Variants in MAX observed in about 807,000 individuals in gnomAD.
MAX encodes the protein MYC associated transcriptional regulator X.
MAX carries 3 observed loss-of-function variants against 22.3 expected under a neutral mutation model. That is an observed-to-expected ratio of 0.13 (90% CI 0.06 to 0.35). The LOEUF is 0.35. Among genes scored for constraint, MAX ranks in the 10% least tolerant of loss-of-function variants. The pLI, the probability that MAX is intolerant of heterozygous loss-of-function variation, is 1.00. For missense variants in MAX, 119 were observed against 209.4 expected (o/e 0.57, Z 2.66); for synonymous variants, 72 against 77.7 (o/e 0.93, Z 0.39).
Position 65,027,832 on chromosome 14 carries a change from C to A in MAX, c.172-21548G>T, listed in dbSNP as rs1051153471. On this transcript the variant is annotated intron_variant, in intron 3 of 3. Transcript: ENST00000341653. This position sits in a 1 kb window ranked among gnomAD's most constrained non-coding sequence, Gnocchi z 5.7. ...CACATCAGTTGACTCTAGAGCTCATCTGCCATTAGAGATGCCAAGCCTAAG... is the reference window on the plus strand; with the variant it reads ...CACATCAGTTGACTCTAGAGCTCATATGCCATTAGAGATGCCAAGCCTAAG... 2 of 1,610,606 alleles carry A rather than the reference C, an allele frequency of 1.2e-6. No homozygotes were observed. The highest frequency in any genetic ancestry group is 1.7e-4 in the Middle Eastern group (1 of 5,960).
Position 65,062,296 on chromosome 14 carries a change from A to G in MAX, c.171+31412T>C, listed in dbSNP as rs1257002703. ...CTCAGGATTTATTCACGTCCTGCCC[A>G]CTCTAGGCTCACAGGAATAAAATCA... On this transcript the variant is annotated intron_variant, in intron 3 of 3. Coordinates refer to the MAX transcript ENST00000341653. The surrounding 1 kb of genome is among the most constrained non-coding windows in gnomAD (Gnocchi z 4.3). 6.6e-6 allele frequency: 1 copy of G among 152,214 alleles called. No individual in the cohort carries two copies. Among genetic ancestry groups the G allele is most frequent in the Non-Finnish European group, 1.5e-5 (1 of 68,068 alleles). The allele number at this position is 152,214 out of a possible 1,614,324, so 9.4% of individuals were successfully genotyped here.
In MAX at chr14:65,009,247, T is replaced by G. The variant is rs1684066188; in HGVS notation, c.172-2963A>C. ...ACAGAGATTTATTTTTTCACATTTC[T>G]GGAGGCCAGAAGTCTAAGACCAAGG... On this transcript the variant is annotated intron_variant, in intron 3 of 3. Coordinates refer to the MAX transcript ENST00000341653. The surrounding 1 kb of genome is among the most constrained non-coding windows in gnomAD (Gnocchi z 4.2). Among the ~76,000 whole-genome samples, 1 of 152,214 alleles carries G rather than the reference T, an allele frequency of 6.6e-6. No homozygotes were observed. Among genetic ancestry groups the G allele is most frequent in the East Asian group, 1.9e-4 (1 of 5,194 alleles).
chr14:65,022,063 C>T (rs1006761052), intron 3 of MAX: 21 of 455,878 alleles, frequency 4.6e-5, no homozygotes, highest in Admixed American at 2.4e-4. Flanking sequence ...AGAGGCCACC[C>T]GGAATCAACA....
intron 3 of MAX, among the ~76,000 whole-genome samples, chr14:65,020,104 A>G (rs1239656917): frequency 6.6e-6 from 1 of 152,142 alleles, no homozygotes; most frequent in African/African-American, 2.4e-5. Context: ...TCTCTTTCCT[A>G]TTTTGTTCAC....
Position 65,027,302 on chromosome 14 carries a change from G to C in MAX, c.172-21018C>G, listed in dbSNP as rs1394182799. The C allele has an allele frequency of 4.1e-6, 5 of 1,217,954 alleles. No homozygotes were observed. The highest frequency in any genetic ancestry group is 5.7e-6 in the Non-Finnish European group (5 of 873,912). 75.4% of individuals were successfully genotyped at this position (1,217,954 alleles called of 1,614,324 possible). A position where few individuals can be genotyped will look rare whatever the true frequency, so the allele number is the denominator to read the frequency against. On this transcript the variant is annotated intron_variant, in intron 3 of 3. Transcript: ENST00000341653. This position sits in a 1 kb window ranked among gnomAD's most constrained non-coding sequence, Gnocchi z 5.7. ...TGGAGAGAGAATTAAGCCCTTTGGG[G>C]AGAGGTTATATTCAACAAGTGGGAG...
rs930638698 is a variant in MAX, at chr14:65,079,073, G to T, written c.172-1037C>A. Reference sequence around the variant, plus strand: ...TAAAGTCTTTAGCTTGGCTATGTCTGGAAACATTAAAATACTACTTAAATG... The same window carrying T: ...TAAAGTCTTTAGCTTGGCTATGTCTTGAAACATTAAAATACTACTTAAATG... On this transcript the variant is annotated intron_variant, in intron 3 of 4. Coordinates refer to ENST00000358664, the MANE Select transcript of MAX (RefSeq NM_002382.5). The surrounding 1 kb of genome is among the most constrained non-coding windows in gnomAD (Gnocchi z 4.5). Among the ~76,000 whole-genome samples, 4 of 152,134 alleles carry T rather than the reference G, an allele frequency of 2.6e-5. No individual in the cohort carries two copies. Among genetic ancestry groups the T allele is most frequent in the South Asian group, 2.1e-4 (1 of 4,832 alleles).
rs1183205587 is a variant in MAX at position 65,030,483 on chromosome 14, A to T, written c.172-24199T>A. Reference sequence around the variant, plus strand: ...CCGAGCGGCAGTGGCTCATGTCTGTAATCTCAACACTTTGAGAGACTGAGA... The same window carrying T: ...CCGAGCGGCAGTGGCTCATGTCTGTTATCTCAACACTTTGAGAGACTGAGA... On this transcript the variant is annotated intron_variant, in intron 3 of 3. Transcript: ENST00000341653. This position sits in a 1 kb window ranked among gnomAD's most constrained non-coding sequence, Gnocchi z 4.5. Among the ~76,000 whole-genome samples the T allele has an allele frequency of 6.6e-6, 1 of 152,180 alleles. No individual in the cohort carries two copies. The highest frequency in any genetic ancestry group is 1.5e-5 in the Non-Finnish European group (1 of 68,024).
chr14:65,010,672 A>G (rs113604270), intron 3 of MAX, among the ~76,000 whole-genome samples: 7,248 of 152,224 alleles, frequency 0.048, 586 homozygotes, highest in African/African-American at 0.16. Context: ...CCTCATCTCA[A>G]AAACCTTCAG....
chr14:65,043,848 A>G (rs1348169128), intron 3 of MAX, among the ~76,000 whole-genome samples: 2 of 150,570 alleles, frequency 1.3e-5, no homozygotes, highest in African/African-American at 4.9e-5. Flanking sequence ...AAAAAAAAAA[A>G]AAAAAAAAAA....
intron 2 of MAX, among the ~76,000 whole-genome samples, chr14:65,095,601 G>T (rs1004354021): frequency 6.6e-6 from 1 of 152,180 alleles, no homozygotes; most frequent in African/African-American, 2.4e-5. Flanking sequence ...CTATACCTAA[G>T]GAGCTTAAAG....
rs2063232499 is a variant in MAX, at chr14:65,082,803, C to A, written c.172-4767G>T. 6.6e-6 allele frequency among the ~76,000 whole-genome samples: 1 copy of A among 151,678 alleles called. No homozygotes were observed. Among genetic ancestry groups the A allele is most frequent in the African/African-American group, 2.4e-5 (1 of 41,256 alleles). ...AGTGAAAAATGGTAGTTTGTAATAG[C>A]AGGATAGCAGCATTGAAGGAAGGTT... On this transcript the variant is annotated intron_variant, in intron 3 of 4. Transcript: ENST00000358664. This position sits in a 1 kb window ranked among gnomAD's most constrained non-coding sequence, Gnocchi z 4.8.
chr14:65,060,653 G>A lies in MAX; in HGVS notation c.171+33055C>T, dbSNP rs558695544. On this transcript the variant is annotated intron_variant, in intron 3 of 3. Transcript: ENST00000341653. ...GGAGCTTGCAGTGAGCCGAGATCCC[G>A]CCACTGCACTCCAGCCTGGGCGACA... is the stretch of plus-strand genomic sequence containing the variant. 1.5e-3 allele frequency among the ~76,000 whole-genome samples: 141 copies of A among 94,758 alleles called. 5 individuals carry two copies. The highest frequency in any genetic ancestry group is 6.9e-3 in the South Asian group (19 of 2,764). The allele number at this position is 94,758 out of a possible 152,430, so 62.2% of individuals were successfully genotyped here.
At chr14:65,017,413 C>T (rs1157488746) in intron 3 of MAX, among the ~76,000 whole-genome samples, 5 of 152,020 alleles carry the variant, frequency 3.3e-5, no homozygotes, top group South Asian at 2.1e-4. Context: ...TGGAGGAGGC[C>T]GCAGACCCAT....
chr14:65,027,281 G>C lies in MAX; in HGVS notation c.172-20997C>G, dbSNP rs1229902614. 1.0e-6 allele frequency: 1 copy of C among 988,474 alleles called. No individual in the cohort carries two copies. The highest frequency in any genetic ancestry group is 1.5e-6 in the Non-Finnish European group (1 of 678,922). The allele number at this position is 988,474 out of a possible 1,614,324, so 61.2% of individuals were successfully genotyped here. On this transcript the variant is annotated intron_variant, in intron 3 of 3. Coordinates refer to the MAX transcript ENST00000341653. The surrounding 1 kb of genome is among the most constrained non-coding windows in gnomAD (Gnocchi z 5.7). ...GCAGACAGAAATGATGATAGCTGGA[G>C]AGAGAATTAAGCCCTTTGGGGAGAG...
In MAX at chr14:65,054,676, C is replaced by T; in HGVS notation, c.171+39032G>A. ...TTGCATGATGTGGTCCTGGGTGTGC[C>T]CGAAAACGCTCTGGTAAGACGGGTG... On this transcript the variant is annotated intron_variant, in intron 3 of 3. Coordinates refer to the MAX transcript ENST00000341653. The surrounding 1 kb of genome is among the most constrained non-coding windows in gnomAD (Gnocchi z 4.4). 5.6e-6 allele frequency: 9 copies of T among 1,611,014 alleles called. No homozygotes were observed. Among genetic ancestry groups the T allele is most frequent in the Non-Finnish European group, 7.6e-6 (9 of 1,178,656 alleles).
chr14:65,017,169 T>C (rs8012008), intron 3 of MAX, among the ~76,000 whole-genome samples: 85,795 of 151,848 alleles, frequency 0.57, 24,902 homozygotes, highest in African/African-American at 0.69. Context: ...CTGATCTACC[T>C]GCCTCGGCCT....
chr14:65,040,881 C>T, intron 3 of MAX: 2 of 1,613,968 alleles, frequency 1.2e-6, no homozygotes, highest in Non-Finnish European at 1.7e-6. Context: ...GCTGGTAATC[C>T]TCAAGAGGGA....
chr14:65,019,431 GAGCCGAGATCACACCACTGCACTCC>G (rs1456658167), intron 3 of MAX, among the ~76,000 whole-genome samples: 1 of 151,588 alleles, frequency 6.6e-6, no homozygotes, highest in East Asian at 1.9e-4. Flanking sequence ...AGGTTGCAGT[GAGCCGAGATCACACCACTGCACTCC>G]AGCCTGGGTA....
In MAX at chr14:65,009,436, C is replaced by A. The variant is rs181105654; in HGVS notation, c.172-3152G>T. ...CGTGGCCACTCCACAGCTCTCCCAC[C>A]ATCTTGACTCCTAGTTCCTGAGAAA... is the stretch of plus-strand genomic sequence containing the variant. On this transcript the variant is annotated intron_variant, in intron 3 of 3. Transcript: ENST00000341653. This position sits in a 1 kb window ranked among gnomAD's most constrained non-coding sequence, Gnocchi z 4.2. Among the ~76,000 whole-genome samples the A allele has an allele frequency of 5.9e-4, 90 of 152,290 alleles. 1 individual carries two copies. Among genetic ancestry groups the A allele is most frequent in the Non-Finnish European group, 9.7e-4 (66 of 68,016 alleles).
Sources: allele counts gnomAD v4.1 joint callset (sites outside exome capture counted in the v4.1 genomes callset), GRCh38; gene constraint gnomAD v4.1.1; non-coding constraint Gnocchi (gnomAD v3.1); transcripts MANE v1.5; gene names NCBI Gene and HGNC (gene_info 2026-07-23, HGNC 2026-07-21).